The following CCDC171 variants were observed in gnomAD, a reference collection of about 807,000 sequenced individuals.
CCDC171 encodes the protein coiled-coil domain containing 171.
In CCDC171, 177 loss-of-function variants were observed where a neutral mutation model predicts 168.2. The observed-to-expected ratio is 1.05, with a 90% confidence interval of 0.93 to 1.19. The LOEUF is 1.19. CCDC171 is among the 50% of genes most tolerant of loss of function. CCDC171 has a pLI of 0.00. For missense variants in CCDC171, 1,991 were observed against 1,539.0 expected, an observed-to-expected ratio of 1.29 and a Z score of -4.91; for synonymous variants, 687 against 540.8, an observed-to-expected ratio of 1.27 and a Z score of -3.75.
intron 25 of CCDC171, among the ~76,000 whole-genome samples, chr9:15,959,739 G>T (rs1380447139): frequency 6.6e-6 from 1 of 152,156 alleles, no homozygotes; most frequent in African/African-American, 2.4e-5. Flanking sequence ...CAGGCACCCA[G>T]AGAAGGAGAT....
Position 15,779,010 on chromosome 9 carries a change from C to G in CCDC171, c.2941C>G (p.Gln981Glu). The change falls in exon 20 of 26, where the codon CAA (glutamine) becomes GAA (glutamate). Residue 981 changes from glutamine (Q) to glutamate (E), a missense_variant. Gln to Glu is a conservative substitution (Grantham distance 29, BLOSUM62 2). Coordinates refer to ENST00000380701, the MANE Select transcript of CCDC171 (RefSeq NM_173550.4). ...GCAGAAGCAAATACTTGGATTTACA[C>G]AAAGACTGCATGCTGCAGAAGTGGA... The part of the protein sequence containing the change: ...SLQKQILGFT[Q>E]RLHAAEVERR... 6.3e-7 allele frequency: 1 copy of G among 1,575,550 alleles called. No homozygotes were observed. Among genetic ancestry groups the G allele is most frequent in the Non-Finnish European group, 8.6e-7 (1 of 1,163,264 alleles).
At chr9:15,873,080 A>C (rs1174867888) in intron 23 of CCDC171, among the ~76,000 whole-genome samples, 2 of 152,060 alleles carry the variant, frequency 1.3e-5, no homozygotes, top group Non-Finnish European at 2.9e-5. Context: ...GTTTTACAGC[A>C]TACACTTTGA....
chr9:15,992,089 A>G (rs1564106402), intron 3 of CCDC171, among the ~76,000 whole-genome samples: 1 of 152,264 alleles, frequency 6.6e-6, no homozygotes, highest in South Asian at 2.1e-4. Context: ...TGAGGCCAGC[A>G]TCATCCTGAT....
rs1218325996 is a variant in CCDC171 at position 15,793,262 on chromosome 9, A to G, written c.3267+8568A>G. Reference sequence around the variant, plus strand: ...ATAATGGTAAAGGGATCAATTCAACAAGAAGAGCTAACTATCCTAAATATA... The same window carrying G: ...ATAATGGTAAAGGGATCAATTCAACGAGAAGAGCTAACTATCCTAAATATA... On this transcript the variant is annotated intron_variant, in intron 21 of 25. Transcript: ENST00000380701. Among the ~76,000 whole-genome samples the G allele has an allele frequency of 3.3e-5, 5 of 151,998 alleles. 1 individual carries two copies. The highest frequency in any genetic ancestry group is 7.3e-5 in the African/African-American group (3 of 41,364).
intron 6 of CCDC171, among the ~76,000 whole-genome samples, chr9:15,619,840 A>G (rs902316341): frequency 3.9e-5 from 6 of 152,110 alleles, no homozygotes; most frequent in South Asian, 2.1e-4. Context: ...GTTAGGGGCT[A>G]ATATTGCTGG....
At chr9:15,596,759 G>A (rs1037324249) in intron 6 of CCDC171, among the ~76,000 whole-genome samples, 1 of 151,906 alleles carries the variant, frequency 6.6e-6, no homozygotes, top group African/African-American at 2.4e-5. Context: ...TCACGATATT[G>A]ATTCTTCCTA....
chr9:15,951,399 C>G (rs1829151276), intron 25 of CCDC171, among the ~76,000 whole-genome samples: 1 of 152,136 alleles, frequency 6.6e-6, no homozygotes, highest in South Asian at 2.1e-4. Flanking sequence ...TCTTGAGGAG[C>G]TACCATAATG....
chr9:15,628,448 A>G (rs999295780), intron 7 of CCDC171, among the ~76,000 whole-genome samples: 1 of 152,190 alleles, frequency 6.6e-6, no homozygotes, highest in Non-Finnish European at 1.5e-5. Context: ...TCTGAGATCA[A>G]ACTGCAAGGC....
At chr9:15,933,221 T>A (rs1390674839) in intron 25 of CCDC171, among the ~76,000 whole-genome samples, 1 of 152,026 alleles carries the variant, frequency 6.6e-6, no homozygotes. Context: ...CATCAGGTCC[T>A]GAACTTTTCT....
At chr9:16,014,039 C>G (rs2132996920) in intron 3 of CCDC171, among the ~76,000 whole-genome samples, 1 of 152,308 alleles carries the variant, frequency 6.6e-6, no homozygotes, top group Admixed American at 6.5e-5. Context: ...TGTGCTTTCA[C>G]AAAAGGTTTC....
In CCDC171 at chr9:15,601,459, G is replaced by T. The variant is rs548856122; in HGVS notation, c.675+7287G>T. ...GAATCTGGAAGGACAGTACAACCAC[G>T]CTTTAGACCTCTTGTATTCTGTTTG... is the stretch of plus-strand genomic sequence containing the variant. On this transcript the variant is annotated intron_variant, in intron 6 of 25. Transcript: ENST00000380701. 3.9e-5 allele frequency among the ~76,000 whole-genome samples: 6 copies of T among 152,232 alleles called. No individual in the cohort carries two copies. The South Asian group carries it at 1.0e-3, about 26-fold the overall frequency.
chr9:15,923,493 G>C (rs890246556), intron 25 of CCDC171, among the ~76,000 whole-genome samples: 2 of 151,320 alleles, frequency 1.3e-5, no homozygotes, highest in African/African-American at 4.8e-5. Flanking sequence ...AGAGGATGGA[G>C]TGGATAGGGG....
At chr9:16,090,417 G>T in the CCDC171 span, among the ~76,000 whole-genome samples, 1 of 152,128 alleles carries the variant, frequency 6.6e-6, no homozygotes. Context: ...GGCCTGTTAG[G>T]GGGTGGGGGG....
chr9:15,937,347 T>G (rs1589176643), intron 25 of CCDC171, among the ~76,000 whole-genome samples: 1 of 152,044 alleles, frequency 6.6e-6, no homozygotes, highest in East Asian at 1.9e-4. Context: ...GTTTTTAATA[T>G]TTTAATATAA....
intron 21 of CCDC171, among the ~76,000 whole-genome samples, chr9:15,788,910 A>C (rs1473779613): frequency 1.3e-5 from 2 of 152,170 alleles, no homozygotes; most frequent in African/African-American, 2.4e-5. Flanking sequence ...CTGGATTCTC[A>C]GAATGGCCTT....
chr9:15,911,595 G>A (rs188185811), intron 24 of CCDC171, among the ~76,000 whole-genome samples: 14,173 of 152,054 alleles, frequency 0.093, 1,658 homozygotes, highest in African/African-American at 0.27. Context: ...CGTTGCTTTT[G>A]GTGTTTTAGT....
At chr9:15,686,601 A>G (rs1317551956) in intron 10 of CCDC171, among the ~76,000 whole-genome samples, 3 of 152,164 alleles carry the variant, frequency 2.0e-5, no homozygotes, top group Admixed American at 1.3e-4. Flanking sequence ...ATAAAAAAAA[A>G]CTGGAGTGGA....
the CCDC171 span, among the ~76,000 whole-genome samples, chr9:16,081,720 A>C: frequency 6.6e-6 from 1 of 152,170 alleles, no homozygotes; most frequent in Non-Finnish European, 1.5e-5. Context: ...AGAACCTTAA[A>C]GAAAATAAGA....
intron 25 of CCDC171, among the ~76,000 whole-genome samples, chr9:15,936,646 C>T (rs1052265956): frequency 1.3e-5 from 2 of 152,044 alleles, no homozygotes; most frequent in African/African-American, 4.8e-5. Context: ...CTCCCCACCT[C>T]CCCTTAACCT....
Sources: allele counts gnomAD v4.1 joint callset (sites outside exome capture counted in the v4.1 genomes callset), GRCh38; gene constraint gnomAD v4.1.1; transcripts MANE v1.5; gene names NCBI Gene and HGNC (gene_info 2026-07-23, HGNC 2026-07-21).